The following AASDH variants were observed in gnomAD, a reference collection of about 807,000 sequenced individuals.
AASDH encodes aminoadipate-semialdehyde dehydrogenase.
Under a neutral mutation model 102.3 loss-of-function variants are expected in AASDH, and 81 were observed. The observed-to-expected ratio is 0.79, with a 90% confidence interval of 0.66 to 0.95. The LOEUF (loss-of-function observed/expected upper bound fraction) is 0.95, where lower values mean the gene tolerates loss of function less well. Among genes scored for constraint, AASDH ranks in the 40% least tolerant of loss-of-function variants. AASDH has a pLI of 0.00. For synonymous variants in AASDH, 398 were observed against 454.0 expected (o/e 0.88, Z 1.57); for missense variants, 1,203 against 1,266.2 (o/e 0.95, Z 0.76).
chr4:56,357,823 T>A (rs1749800370), intron 5 of AASDH, among the ~76,000 whole-genome samples: 1 of 151,852 alleles, frequency 6.6e-6, no homozygotes, highest in Non-Finnish European at 1.5e-5. Context: ...ATAGTATGGA[T>A]CAGGACTGGG....
In AASDH at chr4:56,371,464, ACT is replaced by A. The variant is rs1751695125; in HGVS notation, c.846_847del (p.Arg282SerfsTer12). The stretch of plus-strand genomic sequence containing the variant: ...ACTAAAATGTACCTGCAAAACAGTC[ACT>A]CTATGATGGGAAAAGAGAACGCTGG... On this transcript the variant is annotated frameshift_variant, in exon 5 of 15. Transcript: ENST00000205214. LOFTEE classifies it high-confidence loss of function. 1.9e-6 allele frequency: 3 copies of A among 1,600,830 alleles called. No individual in the cohort carries two copies. The highest frequency in any genetic ancestry group is 2.2e-5 in the East Asian group (1 of 44,800).
At position 56,349,841 on chromosome 4, in the gene AASDH, G is replaced by A; in HGVS notation, c.1910C>T (p.Thr637Ile). Residue 637 changes from threonine (T) to isoleucine (I), a missense_variant, in exon 11 of 15, where the codon ACA becomes ATA. Thr to Ile is a moderately conservative substitution (Grantham distance 89). Transcript: ENST00000205214. ...TTTTGTGGCACAACTCTTCCTGAAT[G>A]TCACATCTTCATCTGGAACCACTGT... ...LQTVVPDEDV[T>I]FRKSCATKRK... The A allele has an allele frequency of 6.2e-7, 1 of 1,614,108 alleles. No individual in the cohort carries two copies.
chr4:56,384,285 T>C lies in AASDH; in HGVS notation c.15A>G (p.Glu5=). The change falls in exon 2 of 15, where the codon GAA becomes GAG. Residue 5 remains glutamate, a synonymous_variant. Coordinates refer to ENST00000205214, the MANE Select transcript of AASDH (RefSeq NM_181806.4). ...AACAGGAGGCAGCCTTATGCACCAA[T>C]TCCTGAAGAGTCATTTCACTGAAGT... is the stretch of plus-strand genomic sequence containing the variant. MTLQ[E]LVHKAASCYM... The C allele has an allele frequency of 6.2e-7, 1 of 1,614,024 alleles. No homozygotes were observed. The highest frequency in any genetic ancestry group is 8.5e-7 in the Non-Finnish European group (1 of 1,179,958).
intron 14 of AASDH, among the ~76,000 whole-genome samples, chr4:56,341,076 T>C (rs754512650): frequency 6.6e-6 from 1 of 152,122 alleles, no homozygotes; most frequent in Non-Finnish European, 1.5e-5. Flanking sequence ...TAAATTAGGG[T>C]AGTCATTGTG....
rs752984956 is a variant in AASDH, at chr4:56,338,517, T to C, written c.3182A>G (p.Tyr1061Cys). 18 of 1,613,906 alleles carry C rather than the reference T, an allele frequency of 1.1e-5. No individual in the cohort carries two copies. Among genetic ancestry groups the C allele is most frequent in the South Asian group, 5.5e-5 (5 of 91,014 alleles). The change falls in exon 15 of 15, where the codon TAT becomes TGT. Residue 1061 changes from tyrosine to cysteine, a missense_variant. Physicochemically the swap from Tyr to Cys is radical, Grantham distance 194. Transcript: ENST00000205214. The part of the protein sequence containing the change: ...ESQSGQLQSV[Y>C]ELPGEVFSSP... ...AGAGAAGACTTCTCCAGGAAGTTCA[T>C]AAACACTTTGCAATTGTCCACTCTG...
Position 56,384,287 on chromosome 4 carries a change from C to T in AASDH, c.13G>A (p.Glu5Lys). Reference protein sequence around the residue: MTLQELVHKAASCYM... With the variant: MTLQKLVHKAASCYM... ...CAGGAGGCAGCCTTATGCACCAATT[C>T]CTGAAGAGTCATTTCACTGAAGTTT... The change falls in exon 2 of 15, where the codon GAA becomes AAA. Residue 5 changes from glutamate (E) to lysine (K), a missense_variant. By Grantham distance (56) the Glu-to-Lys change is moderately conservative. Coordinates refer to ENST00000205214, the MANE Select transcript of AASDH (RefSeq NM_181806.4). 1 of 1,613,930 alleles carries T rather than the reference C, an allele frequency of 6.2e-7. No individual in the cohort carries two copies. The highest frequency in any genetic ancestry group is 1.1e-5 in the South Asian group (1 of 91,078).
At chr4:56,368,878 A>C (rs1370551324) in intron 5 of AASDH, among the ~76,000 whole-genome samples, 1 of 143,496 alleles carries the variant, frequency 7.0e-6, no homozygotes, top group Non-Finnish European at 1.6e-5. Flanking sequence ...TAAAAAAAAA[A>C]ACAAATGTAA....
At chr4:56,359,443 T>C (rs951728971) in intron 5 of AASDH, among the ~76,000 whole-genome samples, 3 of 151,588 alleles carry the variant, frequency 2.0e-5, no homozygotes, top group Non-Finnish European at 4.4e-5. Context: ...TGCATTTTTT[T>C]AGTAGAGACG....
chr4:56,367,765 C>T (rs955291020), intron 5 of AASDH, among the ~76,000 whole-genome samples: 4 of 151,028 alleles, frequency 2.6e-5, no homozygotes, highest in Non-Finnish European at 4.4e-5. Flanking sequence ...CATAAAAACC[C>T]TAGAAGAAAA....
intron 5 of AASDH, chr4:56,356,104 C>A: frequency 1.6e-6 from 1 of 613,266 alleles, no homozygotes; most frequent in Non-Finnish European, 2.9e-6. Context: ...TAAAAATGTG[C>A]CTAAGTAGCT....
intron 5 of AASDH, 80 bp from the exon 6 acceptor site, chr4:56,355,503 T>A (rs773497691): frequency 4.4e-6 from 6 of 1,365,208 alleles, no homozygotes; most frequent in Non-Finnish European, 4.9e-6. Context: ...TATTTCAAAG[T>A]TAACATTTGG....
intron 5 of AASDH, among the ~76,000 whole-genome samples, chr4:56,365,846 A>G (rs1383733127): frequency 1.3e-5 from 2 of 152,232 alleles, no homozygotes; most frequent in African/African-American, 4.8e-5. Flanking sequence ...AAAAGCTAGC[A>G]GAAGGCAAGA....
chr4:56,356,273 A>C, intron 5 of AASDH: 1 of 1,054,972 alleles, frequency 9.5e-7, no homozygotes, highest in South Asian at 1.3e-5. Context: ...CATCCAGCCC[A>C]AAAGAGACCT....
chr4:56,382,355 G>T, intron 3 of AASDH, 122 bp downstream of exon 3: 2 of 960,916 alleles, frequency 2.1e-6, no homozygotes, highest in South Asian at 1.7e-5. Flanking sequence ...ATGTCATAGT[G>T]CAAAGACTGA....
At chr4:56,353,745 C>T (rs1050521860) in intron 8 of AASDH, 149 bp from the exon 9 acceptor site, 20 of 730,138 alleles carry the variant, frequency 2.7e-5, no homozygotes, top group Non-Finnish European at 3.8e-5. Context: ...GCTACTGTTA[C>T]TATTACTTGC....
intron 11 of AASDH, 34 bp downstream of exon 11, chr4:56,349,229 T>C (rs1289434703): frequency 5.6e-6 from 9 of 1,599,118 alleles, no homozygotes; most frequent in Non-Finnish European, 7.7e-6. Flanking sequence ...GGTAATTCAA[T>C]TTAACTCCAC....
intron 5 of AASDH, among the ~76,000 whole-genome samples, chr4:56,370,394 G>A (rs1167325448): frequency 1.3e-5 from 2 of 151,508 alleles, no homozygotes; most frequent in East Asian, 3.9e-4. Flanking sequence ...GAGAGAGAGA[G>A]AAAGAAAGAA....
chr4:56,377,066 CAA>C (rs11364187), intron 4 of AASDH, among the ~76,000 whole-genome samples: 2,300 of 131,790 alleles, frequency 0.017, 71 homozygotes, highest in African/African-American at 0.061. Context: ...GACTCCGTCT[CAA>C]AAAAAAAAAA....
rs1753101890 is a variant in AASDH at position 56,382,559 on chromosome 4, G to A, written c.269C>T (p.Pro90Leu). 6.2e-7 allele frequency: 1 copy of A among 1,611,712 alleles called. No homozygotes were observed. The highest frequency in any genetic ancestry group is 1.7e-5 in the Admixed American group (1 of 59,744). The change falls in exon 3 of 15, where the codon CCA (proline) becomes CTA (leucine). Residue 90 changes from proline to leucine, a missense_variant. By Grantham distance (98) the Pro-to-Leu change is moderately conservative (BLOSUM62 -3). Transcript: ENST00000205214. ...QVPAAYVPIEPDSPPSLSTHF... is the reference protein window; with the variant it reads ...QVPAAYVPIELDSPPSLSTHF... ...AGTTGATAATGACGGTGGTGAATCT[G>A]GCTCGATAGGTACATAAGCAGCCGG...
Sources: allele counts gnomAD v4.1 joint callset (sites outside exome capture counted in the v4.1 genomes callset), GRCh38; gene constraint gnomAD v4.1.1; transcripts MANE v1.5; gene names NCBI Gene and HGNC (gene_info 2026-07-23, HGNC 2026-07-21).